The following WIPF3 variants were observed in gnomAD, a reference collection of about 807,000 sequenced individuals.
The protein encoded by WIPF3 is WAS/WASL-interacting protein family member 3.
A neutral mutation model predicts 38.9 loss-of-function variants in WIPF3; 33 were observed. The ratio of observed to expected loss-of-function variants is 0.85; its 90% CI spans 0.64 to 1.14. The LOEUF (loss-of-function observed/expected upper bound fraction) is 1.14, where lower values mean the gene tolerates loss of function less well. WIPF3 is among the 50% of genes most tolerant of loss of function. The pLI is 0.00. For synonymous variants in WIPF3, 324 were observed against 269.3 expected (o/e 1.20, Z -1.99); for missense variants, 711 against 652.5 (o/e 1.09, Z -0.98).
At chr7:29,849,532 C>T (rs758504965) in intron 2 of WIPF3, among the ~76,000 whole-genome samples, 1 of 152,128 alleles carries the variant, frequency 6.6e-6, no homozygotes, top group African/African-American at 2.4e-5. Flanking sequence ...GCCAAGGACA[C>T]CAGATATGGA....
At chr7:29,911,902 C>G (rs1786511817) in intron 8 of WIPF3, among the ~76,000 whole-genome samples, 1 of 151,998 alleles carries the variant, frequency 6.6e-6, no homozygotes, top group Non-Finnish European at 1.5e-5. Flanking sequence ...ACACTAAAGG[C>G]ATAGGCAACA....
chr7:29,902,268 C>CTTTTTTTTTT (rs1267369053), intron 7 of WIPF3, among the ~76,000 whole-genome samples: 14 of 117,308 alleles, frequency 1.2e-4, no homozygotes, highest in South Asian at 3.3e-4. Context: ...TCTTCTTCTT[C>CTTTTTTTTTT]TTCTTCTTTT....
chr7:29,830,355 C>T (rs1784698338), intron 1 of WIPF3, among the ~76,000 whole-genome samples: 1 of 151,728 alleles, frequency 6.6e-6, no homozygotes, highest in Non-Finnish European at 1.5e-5. Context: ...TAAATCTTTG[C>T]AAAATGGAAG....
intron 8 of WIPF3, among the ~76,000 whole-genome samples, chr7:29,906,863 GCCCA>G (rs1786407500): frequency 6.6e-6 from 1 of 152,200 alleles, no homozygotes; most frequent in East Asian, 1.9e-4. Context: ...AAGGTGGTGA[GCCCA>G]TATATTCCAA....
chr7:29,913,805 G>T (rs1004635140), intron 8 of WIPF3, among the ~76,000 whole-genome samples: 1 of 152,282 alleles, frequency 6.6e-6, no homozygotes. Context: ...AATCTCCAGG[G>T]ACAAGAATCC....
chr7:29,884,720 T>C, intron 5 of WIPF3, 127 bp downstream of exon 5: 1 of 1,355,262 alleles, frequency 7.4e-7, no homozygotes, highest in Non-Finnish European at 9.7e-7. Flanking sequence ...GCAGAGAGAC[T>C]TGCCCAAAAT....
intron 5 of WIPF3, 61 bp downstream of exon 5, chr7:29,884,654 C>G: frequency 6.6e-7 from 1 of 1,524,350 alleles, no homozygotes; most frequent in Non-Finnish European, 8.8e-7. Flanking sequence ...CGTCGTTGCA[C>G]AGGACTTTAT....
intron 8 of WIPF3, among the ~76,000 whole-genome samples, chr7:29,909,665 G>A (rs1272836339): frequency 6.6e-6 from 1 of 152,208 alleles, no homozygotes; most frequent in African/African-American, 2.4e-5. Flanking sequence ...GGGAGGTTAA[G>A]GTGGGAGAAT....
In WIPF3 at chr7:29,853,833, G is replaced by A. The variant is rs576931865; in HGVS notation, c.90+19019G>A. On this transcript the variant is annotated intron_variant, in intron 2 of 8. Coordinates refer to ENST00000242140, the MANE Select transcript of WIPF3 (RefSeq NM_001080529.3). ...TTAGTAGAGAATAAGGACCATCCAG[G>A]TGTTCACTGGTGGTGGTGTGGTTGG... Among the ~76,000 whole-genome samples, 7 of 152,314 alleles carry A rather than the reference G, an allele frequency of 4.6e-5. No individual in the cohort carries two copies. The East Asian group carries it at 1.2e-3, about 25-fold the overall frequency.
Position 29,883,831 on chromosome 7 carries a change from G to A in WIPF3, c.356-19G>A. The A allele has an allele frequency of 1.3e-6, 2 of 1,518,296 alleles. No homozygotes were observed. The highest frequency in any genetic ancestry group is 1.8e-6 in the Non-Finnish European group (2 of 1,132,972). 94.1% of individuals were successfully genotyped at this position (1,518,296 alleles called of 1,614,324 possible). Reference sequence around the variant, plus strand: ...CCTTCTTTATTGCCGAGCTAACCCAGAATCTCTTTCACTTCCAGGTGGCAA... The same window carrying A: ...CCTTCTTTATTGCCGAGCTAACCCAAAATCTCTTTCACTTCCAGGTGGCAA... On this transcript the variant is annotated intron_variant, in intron 4 of 8. Transcript: ENST00000242140.
intron 2 of WIPF3, among the ~76,000 whole-genome samples, chr7:29,836,350 A>G (rs1784798963): frequency 6.6e-6 from 1 of 152,220 alleles, no homozygotes; most frequent in South Asian, 2.1e-4. Context: ...AACAAAATCC[A>G]TGTTATTGGA....
chr7:29,843,163 G>C (rs569279795), intron 2 of WIPF3, among the ~76,000 whole-genome samples: 14 of 152,354 alleles, frequency 9.2e-5, no homozygotes, highest in African/African-American at 3.1e-4. Context: ...CATGGCTTTA[G>C]TGAAAAATGA....
chr7:29,862,708 A>T (rs1419639500), intron 2 of WIPF3, among the ~76,000 whole-genome samples: 1 of 152,214 alleles, frequency 6.6e-6, no homozygotes, highest in Non-Finnish European at 1.5e-5. Context: ...CAATCTCTAA[A>T]TAATATGCCA....
intron 7 of WIPF3, among the ~76,000 whole-genome samples, chr7:29,901,858 G>GA (rs1786287562): frequency 7.1e-6 from 1 of 141,566 alleles, no homozygotes; most frequent in Non-Finnish European, 1.5e-5. Flanking sequence ...AAGAAAGAAA[G>GA]AAAGAAAAGA....
intron 1 of WIPF3, among the ~76,000 whole-genome samples, chr7:29,831,208 CT>C (rs1361691920): frequency 6.6e-6 from 1 of 152,162 alleles, no homozygotes; most frequent in East Asian, 1.9e-4. Context: ...GCCTAGTATT[CT>C]TAAGCCCAAG....
intron 7 of WIPF3, among the ~76,000 whole-genome samples, chr7:29,896,015 A>T (rs796190323): frequency 6.6e-6 from 1 of 152,376 alleles, no homozygotes; most frequent in African/African-American, 2.4e-5. Context: ...GAAGAGGCAA[A>T]TCCACAGAGA....
At chr7:29,892,474 A>C (rs554311725) in intron 7 of WIPF3, among the ~76,000 whole-genome samples, 1 of 152,318 alleles carries the variant, frequency 6.6e-6, no homozygotes, top group African/African-American at 2.4e-5. Context: ...GCAAACACTA[A>C]ATGACAGTTC....
intron 7 of WIPF3, among the ~76,000 whole-genome samples, chr7:29,897,791 T>G (rs1290222455): frequency 2.0e-5 from 3 of 152,214 alleles, no homozygotes; most frequent in Non-Finnish European, 2.9e-5. Flanking sequence ...TAAGAACCTC[T>G]GCCCTGATGA....
intron 2 of WIPF3, among the ~76,000 whole-genome samples, chr7:29,870,645 A>C (rs56412459): frequency 0.039 from 5,872 of 152,232 alleles, 204 homozygotes; most frequent in African/African-American, 0.083. Flanking sequence ...ATAGCCCCAA[A>C]AAAAGACCCC....
Sources: allele counts gnomAD v4.1 joint callset (sites outside exome capture counted in the v4.1 genomes callset), GRCh38; gene constraint gnomAD v4.1.1; transcripts MANE v1.5; gene names NCBI Gene and HGNC (gene_info 2026-07-23, HGNC 2026-07-21).